Variants in MAMSTR observed in about 807,000 individuals in gnomAD.
The protein encoded by MAMSTR is MEF2-activating motif and SAP domain-containing transcriptional regulator.
In MAMSTR, 41 loss-of-function variants were observed where a neutral mutation model predicts 42.7. The observed-to-expected ratio is 0.96, with a 90% CI of 0.75 to 1.25. The LOEUF (loss-of-function observed/expected upper bound fraction) is 1.25, where lower values mean the gene tolerates loss of function less well. Ranked by LOEUF, MAMSTR falls within the 50% of genes most tolerant of loss-of-function variation. MAMSTR has a pLI of 0.00. For synonymous variants in MAMSTR, 265 were observed against 244.1 expected (o/e 1.09, Z -0.80); for missense variants, 567 against 557.6 (o/e 1.02, Z -0.17).
At chr19:48,714,093 G>A (rs768858262) in intron 7 of MAMSTR, 48 bp from the exon 8 acceptor site, 10 of 1,507,244 alleles carry the variant, frequency 6.6e-6, no homozygotes, top group Admixed American at 2.2e-5. Context: ...CCCACAGGGC[G>A]CAACCCCACC....
intron 2 of MAMSTR, among the ~76,000 whole-genome samples, chr19:48,717,696 G>T (rs945252579): frequency 6.7e-6 from 1 of 149,692 alleles, no homozygotes; most frequent in Non-Finnish European, 1.5e-5. Flanking sequence ...CACCACACCC[G>T]GCTAATTATT....
chr19:48,711,946 CCGGG>C (rs2032735888), downstream of MAMSTR, among the ~76,000 whole-genome samples: 3 of 14,548 alleles, frequency 2.1e-4, no homozygotes, highest in East Asian at 0.02. Context: ...CAGGGTTTCA[CCGGG>C]TTTCACCGTG....
downstream of MAMSTR, among the ~76,000 whole-genome samples, chr19:48,711,586 G>GT (rs2032726220): frequency 7.0e-6 from 1 of 142,412 alleles, no homozygotes; most frequent in South Asian, 2.3e-4. Flanking sequence ...TTGTTTGTTT[G>GT]TTTTGAGATG....
chr19:48,715,511 A>G lies in MAMSTR; in HGVS notation c.241-65T>C. The G allele has an allele frequency of 2.1e-6, 3 of 1,462,886 alleles. No homozygotes were observed. In the South Asian group the frequency reaches 4.3e-5, roughly 21 times the overall value. The allele number at this position is 1,462,886 out of a possible 1,614,324, so 90.6% of individuals were successfully genotyped here. ...TCCCACCTTCCGGCCCCAGGACTAC[A>G]TGCAAAGTATGGGGTCAGCTCGGTG... is the stretch of plus-strand genomic sequence containing the variant. On this transcript the variant is annotated intron_variant, in intron 4 of 9. Transcript: ENST00000318083.
downstream of MAMSTR, among the ~76,000 whole-genome samples, chr19:48,710,695 C>G (rs2032709656): frequency 6.6e-6 from 1 of 150,732 alleles, no homozygotes; most frequent in South Asian, 2.1e-4. Context: ...CTCCCAGATT[C>G]AAGCAATTCT....
Position 48,714,363 on chromosome 19 carries a change from C to G in MAMSTR, c.723+3G>C. 1 of 1,365,102 alleles carries G rather than the reference C, an allele frequency of 7.3e-7. No individual in the cohort carries two copies. The highest frequency in any genetic ancestry group is 1.8e-5 in the South Asian group (1 of 55,154). The allele number at this position is 1,365,102 out of a possible 1,614,324, so 84.6% of individuals were successfully genotyped here. A position where few individuals can be genotyped will look rare whatever the true frequency, so the allele number is the denominator to read the frequency against. On this transcript the variant is annotated splice_donor_region_variant and intron_variant, in intron 7 of 9. Coordinates refer to ENST00000318083, the MANE Select transcript of MAMSTR (RefSeq NM_001130915.2). ...GTCCGCAAGCTCATAGCCCCGCCCT[C>G]ACCGAGCCCTGACGCCGGGCGGCTG...
At chr19:48,716,374 CAAAAAAA>C (rs35058019) in intron 3 of MAMSTR, among the ~76,000 whole-genome samples, 10 of 65,000 alleles carry the variant, frequency 1.5e-4, no homozygotes, top group Admixed American at 2.1e-4. Flanking sequence ...GATTCCATCT[CAAAAAAA>C]AAAAAAAAAA....
chr19:48,711,739 GTTTTTTTT>G (rs34890088), downstream of MAMSTR, among the ~76,000 whole-genome samples: 1 of 76,238 alleles, frequency 1.3e-5, no homozygotes, highest in Non-Finnish European at 2.3e-5. Flanking sequence ...TACCTGGCTA[GTTTTTTTT>G]TTTTTTTTTT....
chr19:48,714,646 A>G (rs1425318329), intron 6 of MAMSTR, 86 bp from the exon 7 acceptor site: 3 of 1,363,788 alleles, frequency 2.2e-6, no homozygotes, highest in Non-Finnish European at 3.0e-6. Context: ...TTGGAAACCG[A>G]GAAAGGAGGC....
rs2122287075 is a variant in MAMSTR, at chr19:48,713,934, T to TC, written c.834dup (p.Thr279AspfsTer29). ...GCTGAGCCCGGCCCTGAGGAAGGGG[T>TC]CAGGGCTGGAGCTGCAGCAGGAGCC... On this transcript the variant is annotated frameshift_variant, in exon 8 of 10. Transcript: ENST00000318083. LOFTEE classifies it high-confidence loss of function. The TC allele has an allele frequency of 6.2e-7, 1 of 1,613,130 alleles. No homozygotes were observed. Among genetic ancestry groups the TC allele is most frequent in the East Asian group, 2.2e-5 (1 of 44,862 alleles).
intron 2 of MAMSTR, 143 bp from the exon 3 acceptor site, chr19:48,716,886 G>A (rs1284062705): frequency 3.3e-6 from 4 of 1,222,156 alleles, no homozygotes; most frequent in Non-Finnish European, 3.1e-6. Flanking sequence ...GCGGGTGGGC[G>A]GGCAGCAGGC....
intron 9 of MAMSTR, 37 bp from the exon 10 acceptor site, chr19:48,713,587 CAG>C (rs2032822201): frequency 6.2e-7 from 1 of 1,600,864 alleles, no homozygotes; most frequent in Admixed American, 1.7e-5. Context: ...CTTGGAAAGT[CAG>C]GGGTCCGGGC....
At chr19:48,706,250 G>GCAC in the MAMSTR span, among the ~76,000 whole-genome samples, 3,461 of 149,192 alleles carry the variant, frequency 0.023, 132 homozygotes, top group African/African-American at 0.08. Context: ...TCACACCATT[G>GCAC]CACTCTAGCC....
chr19:48,711,183 A>C (rs2032718679), downstream of MAMSTR, among the ~76,000 whole-genome samples: 1 of 152,218 alleles, frequency 6.6e-6, no homozygotes. Flanking sequence ...TTTCAAGCCT[A>C]GTCTTTAAGA....
At chr19:48,711,727 C>T (rs1478815945), downstream of MAMSTR, among the ~76,000 whole-genome samples, 1 of 136,996 alleles carries the variant, frequency 7.3e-6, no homozygotes, top group Non-Finnish European at 1.5e-5. Context: ...CTCCCACCAC[C>T]ATACCTGGCT....
chr19:48,712,588 ATTTT>A (rs902950038), downstream of MAMSTR, among the ~76,000 whole-genome samples: 2,485 of 150,338 alleles, frequency 0.017, 61 homozygotes, highest in African/African-American at 0.056. Context: ...TGCCCAGCTA[ATTTT>A]TTTTTGTGTG....
chr19:48,715,185 T>G, intron 5 of MAMSTR, 77 bp downstream of exon 5: 1 of 1,362,530 alleles, frequency 7.3e-7, no homozygotes, highest in Non-Finnish European at 1.0e-6. Flanking sequence ...CCCCTAATCT[T>G]GGACTCGAGG....
At position 48,715,193 on chromosome 19, in the gene MAMSTR, A is replaced by T. The variant is rs928046314; in HGVS notation, c.425+69T>A. 3 of 1,404,838 alleles carry T rather than the reference A, an allele frequency of 2.1e-6. No homozygotes were observed. In the Admixed American group the frequency reaches 6.3e-5, roughly 29 times the overall value. The allele number at this position is 1,404,838 out of a possible 1,614,324, so 87.0% of individuals were successfully genotyped here. ...CCCCAATCCCCTAATCTTGGACTCG[A>T]GGTTTGAGGGAGGAGGATGCTGGGA... On this transcript the variant is annotated intron_variant, in intron 5 of 9. Transcript: ENST00000318083.
downstream of MAMSTR, among the ~76,000 whole-genome samples, chr19:48,710,495 C>T (rs2032706579): frequency 6.8e-6 from 1 of 147,718 alleles, no homozygotes; most frequent in African/African-American, 2.5e-5. Flanking sequence ...AATCATAGCT[C>T]ACTGCAACCT....
Sources: allele counts gnomAD v4.1 joint callset (sites outside exome capture counted in the v4.1 genomes callset), GRCh38; gene constraint gnomAD v4.1.1; transcripts MANE v1.5; gene names NCBI Gene and HGNC (gene_info 2026-07-23, HGNC 2026-07-21).